The following FBXO4 variants were observed in gnomAD, a reference collection of about 807,000 sequenced individuals.
FBXO4 encodes the protein F-box protein 4.
Under a neutral mutation model 43.7 loss-of-function variants are expected in FBXO4, and 36 were observed. That is an observed-to-expected ratio of 0.82 (90% CI 0.63 to 1.09). The LOEUF (loss-of-function observed/expected upper bound fraction) is 1.09, where lower values mean the gene tolerates loss of function less well. Among genes scored for constraint, FBXO4 ranks in the 50% least tolerant of loss-of-function variants. The probability of loss-of-function intolerance (pLI) is 0.00; values close to 1 mark genes in which losing one functional copy is unlikely to be tolerated. For missense variants in FBXO4, 435 were observed against 474.1 expected, an observed-to-expected ratio of 0.92 and a Z score of 0.77; for synonymous variants, 180 against 165.6, an observed-to-expected ratio of 1.09 and a Z score of -0.67.
At chr5:41,927,927 T>G (rs1243337855) in intron 2 of FBXO4, among the ~76,000 whole-genome samples, 1 of 152,212 alleles carries the variant, frequency 6.6e-6, no homozygotes, top group Non-Finnish European at 1.5e-5. Context: ...ACATTATATA[T>G]CTGGATATAG....
the FBXO4 span, among the ~76,000 whole-genome samples, chr5:41,999,499 ATATATGTG>A: frequency 1.3e-4 from 13 of 98,456 alleles, no homozygotes; most frequent in African/African-American, 5.4e-4. Flanking sequence ...ATATACATAT[ATATATGTG>A]TATATATATA....
At chr5:42,032,180 C>T in the FBXO4 span, among the ~76,000 whole-genome samples, 1 of 151,642 alleles carries the variant, frequency 6.6e-6, no homozygotes, top group Non-Finnish European at 1.5e-5. Context: ...TGGATCAGAC[C>T]TGAAGCCAGC....
At chr5:41,930,670 C>CTTTCTT (rs1282987646) in intron 3 of FBXO4, among the ~76,000 whole-genome samples, 248 of 141,774 alleles carry the variant, frequency 1.7e-3, no homozygotes, top group African/African-American at 6.1e-3. Flanking sequence ...TTCTTTCTTT[C>CTTTCTT]TTTTTTTTTT....
downstream of FBXO4, among the ~76,000 whole-genome samples, chr5:41,945,489 T>C (rs546997020): frequency 6.7e-4 from 102 of 152,268 alleles, no homozygotes; most frequent in African/African-American, 2.4e-3. Flanking sequence ...CAAAATTGCA[T>C]GCAGGGTTGG....
chr5:41,953,217 G>A, the FBXO4 span, among the ~76,000 whole-genome samples: 1 of 150,156 alleles, frequency 6.7e-6, no homozygotes, highest in Non-Finnish European at 1.5e-5. Flanking sequence ...TCATTGTTCA[G>A]TTCCCATCTA....
intron 2 of FBXO4, among the ~76,000 whole-genome samples, chr5:41,927,709 C>G (rs967253924): frequency 6.6e-6 from 1 of 152,142 alleles, no homozygotes; most frequent in African/African-American, 2.4e-5. Context: ...ATTAATGTTA[C>G]TGAGCAACTG....
the FBXO4 span, among the ~76,000 whole-genome samples, chr5:42,027,785 G>T: frequency 6.6e-6 from 1 of 151,548 alleles, no homozygotes; most frequent in Admixed American, 6.6e-5. Context: ...CTTATTCGTT[G>T]ACCCACTGGT....
intron 1 of FBXO4, 39 bp downstream of exon 1, chr5:41,925,537 G>T: frequency 7.8e-7 from 1 of 1,285,098 alleles, no homozygotes; most frequent in South Asian, 2.5e-5. Flanking sequence ...CAGTGGGGCC[G>T]GCCCGGGCCG....
At chr5:42,016,995 T>C in the FBXO4 span, among the ~76,000 whole-genome samples, 1 of 152,048 alleles carries the variant, frequency 6.6e-6, no homozygotes, top group African/African-American at 2.4e-5. Context: ...TAGCAATATT[T>C]AGACAGTGTT....
chr5:41,972,599 AT>A, the FBXO4 span, among the ~76,000 whole-genome samples: 1 of 152,194 alleles, frequency 6.6e-6, no homozygotes, highest in East Asian at 1.9e-4. Context: ...AACCAAAAAA[AT>A]AAGCCTGAAT....
At chr5:41,967,357 C>G in the FBXO4 span, 1 of 481,564 alleles carries the variant, frequency 2.1e-6, no homozygotes, top group South Asian at 1.8e-5. Context: ...GGATCTTGAA[C>G]TGTATCTATT....
the FBXO4 span, chr5:41,967,889 T>G: frequency 1.2e-5 from 7 of 571,154 alleles, no homozygotes; most frequent in South Asian, 9.6e-5. Flanking sequence ...TTCACAATTA[T>G]CTCACTGTTG....
At chr5:41,950,422 C>T in the FBXO4 span, among the ~76,000 whole-genome samples, 1 of 152,282 alleles carries the variant, frequency 6.6e-6, no homozygotes, top group African/African-American at 2.4e-5. Flanking sequence ...TCAGACACTT[C>T]TCAAAAGAAG....
In FBXO4 at chr5:41,930,052, G is replaced by T. The variant is rs550346491; in HGVS notation, c.646+135G>T. Reference sequence around the variant, plus strand: ...ACTTTGGTTGTTGGGAGCCCTACCAGGTTCCACTGAACTGACAGAATTAAT... The same window carrying T: ...ACTTTGGTTGTTGGGAGCCCTACCATGTTCCACTGAACTGACAGAATTAAT... On this transcript the variant is annotated intron_variant, in intron 3 of 6. Transcript: ENST00000281623. 14 of 664,888 alleles carry T rather than the reference G, an allele frequency of 2.1e-5. No homozygotes were observed. In the South Asian group the frequency reaches 2.9e-4, roughly 14 times the overall value. The allele number at this position is 664,888 out of a possible 1,614,324, so 41.2% of individuals were successfully genotyped here.
the FBXO4 span, among the ~76,000 whole-genome samples, chr5:41,999,527 A>G: frequency 1.1e-3 from 129 of 113,078 alleles, 2 homozygotes; most frequent in African/African-American, 5.0e-3. Flanking sequence ...ATATATACAT[A>G]TATATATACA....
chr5:42,020,060 C>T, the FBXO4 span, among the ~76,000 whole-genome samples: 14 of 151,952 alleles, frequency 9.2e-5, no homozygotes, highest in Admixed American at 2.0e-4. Flanking sequence ...ATTCTAAATC[C>T]TGCCAAAATA....
At chr5:41,965,165 C>G in the FBXO4 span, among the ~76,000 whole-genome samples, 209 of 152,186 alleles carry the variant, frequency 1.4e-3, 5 homozygotes, top group East Asian at 0.033. Flanking sequence ...TCTTGTTTTT[C>G]TCAGGTTTGT....
At chr5:42,014,958 G>A in the FBXO4 span, among the ~76,000 whole-genome samples, 1 of 152,020 alleles carries the variant, frequency 6.6e-6, no homozygotes, top group African/African-American at 2.4e-5. Flanking sequence ...AATATTATTA[G>A]AATATAATCT....
At chr5:41,988,062 T>G in the FBXO4 span, among the ~76,000 whole-genome samples, 2 of 152,178 alleles carry the variant, frequency 1.3e-5, no homozygotes, top group South Asian at 4.1e-4. Flanking sequence ...TCAGAAAAGA[T>G]GTAATAGGTA....
Sources: allele counts gnomAD v4.1 joint callset (sites outside exome capture counted in the v4.1 genomes callset), GRCh38; gene constraint gnomAD v4.1.1; transcripts MANE v1.5; gene names NCBI Gene and HGNC (gene_info 2026-07-23, HGNC 2026-07-21).